The following C6orf62 variants were observed in gnomAD, a reference collection of about 807,000 sequenced individuals.
C6orf62 encodes the protein uncharacterized protein C6orf62.
C6orf62 carries 16 observed loss-of-function variants against 26.8 expected under a neutral mutation model. The ratio of observed to expected loss-of-function variants is 0.60; its 90% CI spans 0.40 to 0.91. The LOEUF is 0.91. Ranked by LOEUF, C6orf62 falls within the 40% of genes least tolerant of loss-of-function variation. C6orf62 has a pLI of 0.00. For synonymous variants in C6orf62, 112 were observed against 91.5 expected (o/e 1.22, Z -1.28); for missense variants, 192 against 271.4 (o/e 0.71, Z 2.06).
chr6:24,720,378 G>A (rs890353024), upstream of C6orf62: 3 of 1,197,452 alleles, frequency 2.5e-6, no homozygotes, highest in Admixed American at 4.3e-5. Flanking sequence ...CCCCGCTGCA[G>A]TGCGCACCGT....
intron 3 of C6orf62, among the ~76,000 whole-genome samples, chr6:24,711,401 C>A (rs1257078987): frequency 6.6e-6 from 1 of 152,072 alleles, no homozygotes; most frequent in East Asian, 1.9e-4. Flanking sequence ...TTTAGTAGTA[C>A]CTCCCAGCAC....
At chr6:24,712,869 A>C (rs1398133201) in intron 3 of C6orf62, among the ~76,000 whole-genome samples, 1 of 152,224 alleles carries the variant, frequency 6.6e-6, no homozygotes, top group African/African-American at 2.4e-5. Context: ...AAGCAGACCT[A>C]CATTTTTCCA....
In C6orf62 at chr6:24,706,081, A is replaced by G. The variant is rs1176296549; in HGVS notation, c.*56T>C. The G allele has an allele frequency of 1.9e-6, 3 of 1,594,378 alleles. No homozygotes were observed. Among genetic ancestry groups the G allele is most frequent in the Admixed American group, 3.5e-5 (2 of 57,852 alleles). On this transcript the variant is annotated 3_prime_UTR_variant, in exon 5 of 5. Coordinates refer to ENST00000378119, the MANE Select transcript of C6orf62 (RefSeq NM_030939.5). ...TGAAAGAATAAAGTGGTAAGAAAAC[A>G]AGAAAAAAAACTGCTGCTGCATTCT...
At chr6:24,708,439 G>A (rs1254242583) in intron 4 of C6orf62, among the ~76,000 whole-genome samples, 1 of 152,168 alleles carries the variant, frequency 6.6e-6, no homozygotes, top group African/African-American at 2.4e-5. Flanking sequence ...CTAAGCTCAA[G>A]CAATCCTCCC....
At chr6:24,720,492 G>A (rs995505156), upstream of C6orf62, 59 of 662,196 alleles carry the variant, frequency 8.9e-5, no homozygotes, top group Non-Finnish European at 1.1e-4. Context: ...CGGAGACAGC[G>A]GCAACAGGGA....
rs560574644 is a variant in C6orf62 at position 24,709,682 on chromosome 6, C to G, written c.430-771G>C. 5.5e-4 allele frequency: 538 copies of G among 985,414 alleles called. 3 individuals carry two copies. In the African/African-American group the frequency reaches 6.5e-3, roughly 12 times the overall value. 61.0% of individuals were successfully genotyped at this position (985,414 alleles called of 1,614,324 possible). The stretch of plus-strand genomic sequence containing the variant: ...CAAAAATTTGTGAAGTTATGAAAGA[C>G]TGTTATCAATTAAGTCAGAACACTC... On this transcript the variant is annotated intron_variant, in intron 3 of 4. Transcript: ENST00000378119.
rs1478129512 is a variant in C6orf62, at chr6:24,705,072, A to AG, written c.*1064dup. 7 of 116,182 alleles carry AG rather than the reference A, an allele frequency of 6.0e-5. No individual in the cohort carries two copies. The South Asian group carries it at 1.6e-3, about 27-fold the overall frequency. The allele number at this position is 116,182 out of a possible 1,614,324, so 7.2% of individuals were successfully genotyped here. On this transcript the variant is annotated 3_prime_UTR_variant, in exon 5 of 5. Transcript: ENST00000378119. ...GCAAAGCTTTTCTTCATTTAAAAGG[A>AG]GAAAAAAAAAAAAACCTATACAGTA... is the stretch of plus-strand genomic sequence containing the variant.
chr6:24,709,414 G>GGA (rs1562168312), intron 3 of C6orf62: 2 of 826,184 alleles, frequency 2.4e-6, no homozygotes, highest in Non-Finnish European at 2.9e-6. Flanking sequence ...CTGTTTCTAA[G>GGA]AAAAAAAAAA....
chr6:24,720,521 A>G, upstream of C6orf62: 1 of 419,910 alleles, frequency 2.4e-6, no homozygotes, highest in Non-Finnish European at 3.3e-6. Flanking sequence ...GAAAAAGAGG[A>G]AAAACAAAGA....
At chr6:24,712,936 C>T (rs1471610697) in intron 3 of C6orf62, among the ~76,000 whole-genome samples, 2 of 152,186 alleles carry the variant, frequency 1.3e-5, no homozygotes, top group African/African-American at 4.8e-5. Context: ...CAGAGAGCAG[C>T]TAGAGTTATC....
upstream of C6orf62, chr6:24,719,845 G>A: frequency 1.3e-6 from 2 of 1,515,946 alleles, no homozygotes; most frequent in Non-Finnish European, 1.8e-6. Flanking sequence ...CTTGCCTTCA[G>A]CGGCAGCGAC....
At chr6:24,709,878 T>TA (rs55663063) in intron 3 of C6orf62, 226,248 of 985,136 alleles carry the variant, frequency 0.23, 26,626 homozygotes, top group Middle Eastern at 0.26. Flanking sequence ...AAATAATTGT[T>TA]AGTCCATTTT....
rs866963179 is a variant in C6orf62 at position 24,714,374 on chromosome 6, C to T, written c.373G>A (p.Val125Ile). 4 of 1,611,860 alleles carry T rather than the reference C, an allele frequency of 2.5e-6. No homozygotes were observed. Among genetic ancestry groups the T allele is most frequent in the Non-Finnish European group, 3.4e-6 (4 of 1,178,888 alleles). ...LWPRNDIEKI[V>I]CLLFSRWKES... The stretch of plus-strand genomic sequence containing the variant: ...TTCCACCTAGAAAACAGGAGACAGA[C>T]GATTTTTTCAATATCATTCCGAGGC... Residue 125 changes from valine (V) to isoleucine (I), a missense_variant, in exon 3 of 5, where the codon GTC becomes ATC. By Grantham distance (29) the Val-to-Ile change is conservative. Transcript: ENST00000378119.
chr6:24,720,095 A>G, upstream of C6orf62: 1 of 1,170,124 alleles, frequency 8.5e-7, no homozygotes, highest in South Asian at 1.5e-5. Context: ...CAGAGTTTGG[A>G]TTGTTTAGGG....
chr6:24,710,041 T>G, intron 3 of C6orf62: 1 of 983,878 alleles, frequency 1.0e-6, no homozygotes, highest in Non-Finnish European at 1.2e-6. Context: ...ATACCATATG[T>G]AAAATGATAC....
At position 24,705,130 on chromosome 6, in the gene C6orf62, TCTG is replaced by T. The variant is rs1778982182; in HGVS notation, c.*1004_*1006del. ...CTTATGTTCATTGCACAAAATGAGT[TCTG>T]CTTTTAGAACTTTGACACTCAATGG... On this transcript the variant is annotated 3_prime_UTR_variant, in exon 5 of 5. Coordinates refer to ENST00000378119, the MANE Select transcript of C6orf62 (RefSeq NM_030939.5). 6.6e-6 allele frequency: 1 copy of T among 152,326 alleles called. No individual in the cohort carries two copies. 9.4% of individuals were successfully genotyped at this position (152,326 alleles called of 1,614,324 possible).
intron 1 of C6orf62, among the ~76,000 whole-genome samples, chr6:24,717,129 ATT>A: frequency 6.6e-6 from 1 of 152,360 alleles, no homozygotes; most frequent in Admixed American, 6.5e-5. Context: ...ATTCTGTACT[ATT>A]AAGTATATAT....
At position 24,719,044 on chromosome 6, in the gene C6orf62, G is replaced by A. The variant is rs1172743045; in HGVS notation, c.-376C>T. The A allele has an allele frequency of 1.9e-6, 2 of 1,054,270 alleles. No homozygotes were observed. Among genetic ancestry groups the A allele is most frequent in the Non-Finnish European group, 2.3e-6 (2 of 873,182 alleles). 65.3% of individuals were successfully genotyped at this position (1,054,270 alleles called of 1,614,324 possible). ...AAGCCTATAATCAGGATTTAGGTGT[G>A]CAATAAAACACAGCTGACACCAGAC... On this transcript the variant is annotated 5_prime_UTR_variant, in exon 1 of 5. Transcript: ENST00000378119.
intron 3 of C6orf62, among the ~76,000 whole-genome samples, chr6:24,713,086 G>A (rs1779153471): frequency 6.6e-6 from 1 of 152,060 alleles, no homozygotes; most frequent in African/African-American, 2.4e-5. Context: ...GTTACATCCT[G>A]ATAAACCCAG....
Sources: allele counts gnomAD v4.1 joint callset (sites outside exome capture counted in the v4.1 genomes callset), GRCh38; gene constraint gnomAD v4.1.1; transcripts MANE v1.5; gene names NCBI Gene and HGNC (gene_info 2026-07-23, HGNC 2026-07-21).